The following VAV3 variants were observed in gnomAD, a reference collection of about 807,000 sequenced individuals.
VAV3 encodes guanine nucleotide exchange factor VAV3.
VAV3 carries 94 observed loss-of-function variants against 131.2 expected under a neutral mutation model. That is an observed-to-expected ratio of 0.72 (90% CI 0.61 to 0.85). The LOEUF (loss-of-function observed/expected upper bound fraction) is 0.85, where lower values mean the gene tolerates loss of function less well. Among genes scored for constraint, VAV3 ranks in the 40% least tolerant of loss-of-function variants. The pLI, the probability that VAV3 is intolerant of heterozygous loss-of-function variation, is 0.00. For synonymous variants in VAV3, 349 were observed against 342.0 expected (o/e 1.02, Z -0.22); for missense variants, 939 against 1,002.7 (o/e 0.94, Z 0.86).
At chr1:107,806,633 C>G (rs1275007134) in intron 2 of VAV3, among the ~76,000 whole-genome samples, 1 of 152,086 alleles carries the variant, frequency 6.6e-6, no homozygotes. Context: ...TATAATAAAG[C>G]ACAGTGAACA....
intron 17 of VAV3, among the ~76,000 whole-genome samples, chr1:107,703,435 G>GA (rs1441025094): frequency 1.3e-5 from 2 of 152,172 alleles, no homozygotes; most frequent in African/African-American, 4.8e-5. Context: ...GCTCATGCAA[G>GA]AAGATGCCCA....
In VAV3 at chr1:107,934,669, G is replaced by A. The variant is rs377278848; in HGVS notation, c.204+29997C>T. Among the ~76,000 whole-genome samples, 108 of 152,254 alleles carry A rather than the reference G, an allele frequency of 7.1e-4. No individual in the cohort carries two copies. In the Middle Eastern group the frequency reaches 0.01, roughly 14 times the overall value. ...ACCCTTCTTACACATCAAAAGTCTC[G>A]AAAAGGAAACTCTTAGTTCCAAAAA... is the stretch of plus-strand genomic sequence containing the variant. On this transcript the variant is annotated intron_variant, in intron 1 of 26. Transcript: ENST00000370056.
At chr1:107,633,259 G>C (rs1172955130) in intron 20 of VAV3, among the ~76,000 whole-genome samples, 3 of 152,136 alleles carry the variant, frequency 2.0e-5, no homozygotes, top group African/African-American at 7.2e-5. Context: ...AAGAAACAGA[G>C]CTTGGTTAGA....
At chr1:107,915,915 T>C (rs1672594806) in intron 1 of VAV3, among the ~76,000 whole-genome samples, 1 of 151,668 alleles carries the variant, frequency 6.6e-6, no homozygotes, top group Admixed American at 6.6e-5. Flanking sequence ...AATTAGACAC[T>C]ATACAAATAA....
chr1:107,719,262 G>A (rs1368493354), intron 15 of VAV3, among the ~76,000 whole-genome samples: 1 of 152,128 alleles, frequency 6.6e-6, no homozygotes, highest in Non-Finnish European at 1.5e-5. Context: ...CCATCAGAGT[G>A]AACAGGTAAC....
intron 1 of VAV3, among the ~76,000 whole-genome samples, chr1:107,916,591 T>G (rs1467735292): frequency 4.6e-5 from 7 of 152,172 alleles, no homozygotes; most frequent in Non-Finnish European, 1.0e-4. Context: ...GGAAAAAATT[T>G]TACAGGAGTT....
intron 2 of VAV3, among the ~76,000 whole-genome samples, chr1:107,844,366 T>TCAGG (rs1336164085): frequency 1.3e-5 from 2 of 152,062 alleles, no homozygotes. Flanking sequence ...ACCAGGGCCC[T>TCAGG]GGGTTTCAAG....
chr1:107,810,093 G>T (rs566734806), intron 2 of VAV3, among the ~76,000 whole-genome samples: 2 of 152,250 alleles, frequency 1.3e-5, no homozygotes, highest in African/African-American at 4.8e-5. Context: ...CAAAAGAAAA[G>T]ACTGATTAGA....
At chr1:107,774,695 C>T (rs1665238400) in intron 4 of VAV3, among the ~76,000 whole-genome samples, 1 of 152,200 alleles carries the variant, frequency 6.6e-6, no homozygotes, top group Admixed American at 6.5e-5. Context: ...GCCCTCTCCA[C>T]TCCATCCTGT....
At chr1:107,588,956 G>A (rs889878523) in intron 25 of VAV3, among the ~76,000 whole-genome samples, 13 of 152,124 alleles carry the variant, frequency 8.5e-5, no homozygotes, top group African/African-American at 2.9e-4. Flanking sequence ...CTCTCAGAAA[G>A]ATAAGGCATT....
At chr1:107,963,132 T>C (rs1675213607) in intron 1 of VAV3, among the ~76,000 whole-genome samples, 1 of 152,104 alleles carries the variant, frequency 6.6e-6, no homozygotes, top group Non-Finnish European at 1.5e-5. Flanking sequence ...CCAGAAAACG[T>C]GATTATTGAG....
At chr1:107,852,174 G>A (rs1237047832) in intron 2 of VAV3, among the ~76,000 whole-genome samples, 3 of 152,084 alleles carry the variant, frequency 2.0e-5, no homozygotes, top group Non-Finnish European at 4.4e-5. Flanking sequence ...TTTAATAAAC[G>A]TTTTCAATGG....
At chr1:107,961,522 C>T (rs777690787) in intron 1 of VAV3, among the ~76,000 whole-genome samples, 31 of 152,062 alleles carry the variant, frequency 2.0e-4, no homozygotes, top group Non-Finnish European at 3.7e-4. Context: ...TATACAGACA[C>T]CAAATTTCTT....
intron 2 of VAV3, among the ~76,000 whole-genome samples, chr1:107,815,106 G>A (rs1667508889): frequency 6.6e-6 from 1 of 152,156 alleles, no homozygotes; most frequent in Non-Finnish European, 1.5e-5. Flanking sequence ...ATACATAGAT[G>A]CTGCAGTATC....
chr1:107,675,069 C>T (rs754380889), intron 19 of VAV3, among the ~76,000 whole-genome samples: 7 of 152,104 alleles, frequency 4.6e-5, no homozygotes, highest in Non-Finnish European at 1.0e-4. Flanking sequence ...CAGCCCTGGC[C>T]GATATCTTAA....
chr1:107,958,220 C>T (rs992376099), intron 1 of VAV3, among the ~76,000 whole-genome samples: 19 of 152,320 alleles, frequency 1.2e-4, no homozygotes, highest in African/African-American at 4.3e-4. Context: ...TTACTAGGCA[C>T]ACCATTCTTT....
chr1:107,775,563 G>C (rs1427152078), intron 4 of VAV3, among the ~76,000 whole-genome samples: 1 of 102,758 alleles, frequency 9.7e-6, no homozygotes, highest in African/African-American at 3.9e-5. Context: ...GGGTGCCAGA[G>C]CAAGACTCAG....
At chr1:107,690,430 T>C (rs975903914) in intron 17 of VAV3, among the ~76,000 whole-genome samples, 1 of 152,124 alleles carries the variant, frequency 6.6e-6, no homozygotes, top group Non-Finnish European at 1.5e-5. Flanking sequence ...TCATATCTTG[T>C]GCAGGGTTTG....
At chr1:107,778,850 A>T (rs1349071935) in intron 3 of VAV3, among the ~76,000 whole-genome samples, 1 of 152,224 alleles carries the variant, frequency 6.6e-6, no homozygotes, top group Admixed American at 6.5e-5. Context: ...TAGTATCTGA[A>T]ACAGAAAAGG....
Sources: allele counts gnomAD v4.1 joint callset (sites outside exome capture counted in the v4.1 genomes callset), GRCh38; gene constraint gnomAD v4.1.1; transcripts MANE v1.5; gene names NCBI Gene and HGNC (gene_info 2026-07-23, HGNC 2026-07-21).